The following GGCX variants were observed in gnomAD, a reference collection of about 807,000 sequenced individuals.
The protein encoded by GGCX is gamma-glutamyl carboxylase.
A neutral mutation model predicts 88.5 loss-of-function variants in GGCX; 63 were observed. That is an observed-to-expected ratio of 0.71 (90% confidence interval 0.58 to 0.88). The LOEUF (loss-of-function observed/expected upper bound fraction) is 0.88. GGCX is among the 40% of genes least tolerant of loss of function. The pLI is 0.00. For synonymous variants in GGCX, 368 were observed against 365.8 expected (o/e 1.01, Z -0.07); for missense variants, 805 against 932.9 (o/e 0.86, Z 1.79).
intron 6 of GGCX, 68 bp from the exon 7 acceptor site, chr2:85,554,374 C>A (rs547167964): frequency 7.0e-7 from 1 of 1,428,712 alleles, no homozygotes; most frequent in African/African-American, 1.4e-5. Context: ...ATTCACAGCA[C>A]GAATGTGCCT....
chr2:85,551,201 G>C, intron 12 of GGCX, 129 bp from the exon 13 acceptor site: 3 of 951,102 alleles, frequency 3.2e-6, no homozygotes, highest in Non-Finnish European at 5.0e-6. Flanking sequence ...CGGACCTCTA[G>C]AATCCTGGAT....
chr2:85,554,473 T>C (rs1692118163), intron 6 of GGCX, 167 bp from the exon 7 acceptor site: 10 of 676,464 alleles, frequency 1.5e-5, no homozygotes, highest in Non-Finnish European at 2.7e-5. Context: ...GTTGTTGTTG[T>C]TGTTGTTGTT....
chr2:85,561,239 G>C (rs1040224769), intron 1 of GGCX, 147 bp downstream of exon 1: 2 of 643,976 alleles, frequency 3.1e-6, no homozygotes, highest in African/African-American at 3.6e-5. Context: ...GAAGCCGCAG[G>C]CTGCAAATGT....
At position 85,550,004 on chromosome 2, in the gene GGCX, G is replaced by A. The variant is rs1691856451; in HGVS notation, c.2207C>T (p.Pro736Leu). ...AGAATGTGAAGAATCCGTGTTTGAG[G>A]GATTCAGTTCTCCAACTGCCTCAAA... Reference protein sequence around the residue: ...RPFEAVGELNPSNTDSSHSNP... With the variant: ...RPFEAVGELNLSNTDSSHSNP... Residue 736 changes from proline (P) to leucine (L), a missense_variant, in exon 15 of 15, where the codon CCC becomes CTC. By Grantham distance (98) the Pro-to-Leu change is moderately conservative. Transcript: ENST00000233838. 2 of 1,613,118 alleles carry A rather than the reference G, an allele frequency of 1.2e-6. No individual in the cohort carries two copies. Among genetic ancestry groups the A allele is most frequent in the Non-Finnish European group, 8.5e-7 (1 of 1,179,376 alleles).
chr2:85,551,851 C>T lies in GGCX; in HGVS notation c.1570G>A (p.Asp524Asn), dbSNP rs763452990. 1.9e-6 allele frequency: 3 copies of T among 1,614,092 alleles called. No individual in the cohort carries two copies. The highest frequency in any genetic ancestry group is 2.5e-6 in the Non-Finnish European group (3 of 1,179,910). The change falls in exon 11 of 15, where the codon GAC (aspartate) becomes AAC (asparagine). Residue 524 changes from aspartate to asparagine, a missense_variant. By Grantham distance (23) the Asp-to-Asn change is conservative (BLOSUM62 1). This residue lies in a region of GGCX where 680 missense variants were observed against 763.7 expected (regional missense o/e 0.89). Transcript: ENST00000233838. ...AKLQEIKSSL[D>N]NHTEVVFIAD... ...ATGAAGACCACCTCAGTGTGGTTGT[C>T]TAGGCTGCTCTTGATTTCCTGTAAC...
In GGCX at chr2:85,553,447, CAG is replaced by C. The variant is rs753122975; in HGVS notation, c.938_939del (p.Pro313ArgfsTer33). 96 of 1,613,854 alleles carry C rather than the reference CAG, an allele frequency of 5.9e-5. No homozygotes were observed. Among genetic ancestry groups the C allele is most frequent in the Middle Eastern group, 1.6e-4 (1 of 6,076 alleles). On this transcript the variant is annotated frameshift_variant, in exon 8 of 15. Coordinates refer to ENST00000233838, the MANE Select transcript of GGCX (RefSeq NM_000821.7). LOFTEE classifies it high-confidence loss of function. ...TAGGACACCAGCTTCCGAGGCCACT[CAG>C]GGGAGCAGAAGAGAGGGCTGCTGGC... is the stretch of plus-strand genomic sequence containing the variant. ...MLASSPLFCSPEWPRKLVSYC... is the reference protein window; with the variant it reads ...MLASSPLFCSXEWPRKLVSYC...
In GGCX at chr2:85,551,613, G is replaced by T. The variant is rs1391425574; in HGVS notation, c.1610-3C>A. The T allele has an allele frequency of 2.5e-6, 4 of 1,613,168 alleles. No individual in the cohort carries two copies. Among genetic ancestry groups the T allele is most frequent in the Non-Finnish European group, 3.4e-6 (4 of 1,179,994 alleles). The stretch of plus-strand genomic sequence containing the variant: ...CACAAAATTCTCCAAGTGCAGTCCT[G>T]CCAGACCAACAGAGTTCATCATCCC... On this transcript the variant is annotated splice_region_variant and splice_polypyrimidine_tract_variant and intron_variant, in intron 11 of 14. Transcript: ENST00000233838.
At chr2:85,559,406 T>C (rs548319463) in intron 2 of GGCX, among the ~76,000 whole-genome samples, 57 of 152,256 alleles carry the variant, frequency 3.7e-4, no homozygotes, top group African/African-American at 1.0e-3. Flanking sequence ...ATCCATCCTA[T>C]TGAGCTTCAG....
Position 85,552,467 on chromosome 2 carries a change from G to A in GGCX, c.1388C>T (p.Pro463Leu), listed in dbSNP as rs150118161. The A allele has an allele frequency of 3.7e-6, 6 of 1,613,724 alleles. No individual in the cohort carries two copies. The highest frequency in any genetic ancestry group is 5.1e-6 in the Non-Finnish European group (6 of 1,179,798). ...RLLPKYNVTE[P>L]QIYFDIWVSI... ...GACCCAAATATCAAAGTAGATCTGG[G>A]GCTCAGTGACATTATACTTGGGAAG... Residue 463 changes from proline to leucine, a missense_variant, in exon 10 of 15, where the codon CCC becomes CTC. By Grantham distance (98) the Pro-to-Leu change is moderately conservative. This residue lies in a region of GGCX where 680 missense variants were observed against 763.7 expected (regional missense o/e 0.89). Transcript: ENST00000233838.
chr2:85,549,869 G>A lies in GGCX; in HGVS notation c.*65C>T. 1 of 658,420 alleles carries A rather than the reference G, an allele frequency of 1.5e-6. No homozygotes were observed. The highest frequency in any genetic ancestry group is 1.5e-5 in the South Asian group (1 of 67,046). 40.8% of individuals were successfully genotyped at this position (658,420 alleles called of 1,614,324 possible). A position where few individuals can be genotyped will look rare whatever the true frequency, so the allele number is the denominator to read the frequency against. On this transcript the variant is annotated 3_prime_UTR_variant, in exon 15 of 15. Coordinates refer to ENST00000233838, the MANE Select transcript of GGCX (RefSeq NM_000821.7). ...TTTTGAGAATTTTTTTCAAATAAATGTCCATTGCATAGAATGGGTCTGTGA... is the reference window on the plus strand; with the variant it reads ...TTTTGAGAATTTTTTTCAAATAAATATCCATTGCATAGAATGGGTCTGTGA...
rs1384611588 is a variant in GGCX, at chr2:85,559,736, AAAGAAAGT to A, written c.215-669_215-662del. On this transcript the variant is annotated intron_variant, in intron 2 of 14. Transcript: ENST00000233838. ...GTCTCAAAAAAAGAAAGAAAGAAAG[AAAGAAAGT>A]GCTCTGGGAGTGCTTCTCAACCTTT... Among the ~76,000 whole-genome samples the A allele has an allele frequency of 2.0e-5, 3 of 150,138 alleles. No individual in the cohort carries two copies. The East Asian group carries it at 5.9e-4, about 30-fold the overall frequency.
chr2:85,546,226 A>G lies in GGCX; in HGVS notation c.*3708T>C, dbSNP rs1691656246. 1 of 152,292 alleles carries G rather than the reference A, an allele frequency of 6.6e-6. No individual in the cohort carries two copies. Among genetic ancestry groups the G allele is most frequent in the Non-Finnish European group, 1.5e-5 (1 of 68,108 alleles). 9.4% of individuals were successfully genotyped at this position (152,292 alleles called of 1,614,324 possible). ...CACTTTGGGAGGCCAAGGCATGCAGATCACGAGACCATCCTGGCTAACACA... is the reference window on the plus strand; with the variant it reads ...CACTTTGGGAGGCCAAGGCATGCAGGTCACGAGACCATCCTGGCTAACACA... On this transcript the variant is annotated 3_prime_UTR_variant, in exon 15 of 15. Transcript: ENST00000233838.
intron 2 of GGCX, 25 bp from the exon 3 acceptor site, chr2:85,559,100 T>C (rs1426389280): frequency 2.5e-6 from 4 of 1,605,420 alleles, no homozygotes; most frequent in East Asian, 4.5e-5. Flanking sequence ...GGGGAGTTGG[T>C]CATTGGGCCT....
intron 6 of GGCX, 198 bp downstream of exon 6, chr2:85,555,286 C>T (rs1573326610): frequency 1.9e-6 from 1 of 538,094 alleles, no homozygotes; most frequent in South Asian, 2.0e-5. Context: ...CTATCTATAC[C>T]ATATATCTCC....
chr2:85,559,961 A>G (rs541017316), intron 2 of GGCX, among the ~76,000 whole-genome samples: 1 of 152,022 alleles, frequency 6.6e-6, no homozygotes, highest in Non-Finnish European at 1.5e-5. Context: ...ATTTAGGAGC[A>G]CTCCCTGACC....
rs1692018295 is a variant in GGCX at position 85,552,795 on chromosome 2, T to G, written c.1287+144A>C. ...ATGCATTGCCCTATCTCAACCCACA[T>G]AAAAGATAGTTCAATCTGGCTCTTG... On this transcript the variant is annotated intron_variant, in intron 9 of 14. Transcript: ENST00000233838. 5 of 975,194 alleles carry G rather than the reference T, an allele frequency of 5.1e-6. No individual in the cohort carries two copies. In the South Asian group the frequency reaches 5.2e-5, roughly 10 times the overall value. 60.4% of individuals were successfully genotyped at this position (975,194 alleles called of 1,614,324 possible).
rs748564650 is a variant in GGCX, at chr2:85,552,399, C to T, written c.1439+17G>A. ...ACTGTGCTTCATTTTTTCCCACTCT[C>T]TGCTCCCCTTGCCCACCTCTGCTGG... On this transcript the variant is annotated intron_variant, in intron 10 of 14. Transcript: ENST00000233838. 6.2e-7 allele frequency: 1 copy of T among 1,611,824 alleles called. No homozygotes were observed. The highest frequency in any genetic ancestry group is 2.2e-5 in the East Asian group (1 of 44,872).
chr2:85,560,762 A>T (rs1692406786), intron 2 of GGCX, 53 bp downstream of exon 2: 1 of 1,392,408 alleles, frequency 7.2e-7, no homozygotes, highest in Admixed American at 1.7e-5. Flanking sequence ...AAAAATAGAG[A>T]TTGTCATTCT....
chr2:85,561,372 G>C lies in GGCX; in HGVS notation c.43+14C>G, dbSNP rs1023841399. 1.3e-5 allele frequency: 20 copies of C among 1,543,644 alleles called. No individual in the cohort carries two copies. Among genetic ancestry groups the C allele is most frequent in the Middle Eastern group, 1.8e-4 (1 of 5,592 alleles). ...CTAGGAACTCTCCGCCGGAGGGCGG[G>C]GTCCTAAGCCTACCTGAGCTGGGCG... is the stretch of plus-strand genomic sequence containing the variant. On this transcript the variant is annotated intron_variant, in intron 1 of 14. Transcript: ENST00000233838.
Sources: gnomAD v4.1 joint callset for allele counts (sites outside exome capture counted in the v4.1 genomes callset) on GRCh38, gnomAD v4.1.1 for gene constraint, gnomAD v4.1.1 regional missense constraint, MANE v1.5 for transcripts, NCBI Gene and HGNC (gene_info 2026-07-23, HGNC 2026-07-21) for gene names.